NAALADL2: variants seen among roughly 807,000 people sequenced by gnomAD.
The protein encoded by NAALADL2 is N-acetylated alpha-linked acidic dipeptidase like 2, also known as inactive N-acetylated-alpha-linked acidic dipeptidase-like protein 2.
NAALADL2 carries 76 observed loss-of-function variants against 87.2 expected under a neutral mutation model. That is an observed-to-expected ratio of 0.87 (90% CI 0.72 to 1.05). The LOEUF is 1.05. Ranked by LOEUF, NAALADL2 falls within the 50% of genes least tolerant of loss-of-function variation. The probability of loss-of-function intolerance (pLI) is 0.00; values close to 1 mark genes in which losing one functional copy is unlikely to be tolerated. For synonymous variants in NAALADL2, 354 were observed against 331.0 expected (o/e 1.07, Z -0.75); for missense variants, 1,089 against 945.8 (o/e 1.15, Z -1.99).
chr3:175,056,286 C>T (rs1045377333), intron 1 of NAALADL2, among the ~76,000 whole-genome samples: 3 of 152,158 alleles, frequency 2.0e-5, no homozygotes, highest in African/African-American at 7.2e-5. Context: ...GTTATACTCT[C>T]CTTCCTTCTT....
At chr3:175,706,163 T>G (rs1169779958) in intron 11 of NAALADL2, among the ~76,000 whole-genome samples, 1 of 152,114 alleles carries the variant, frequency 6.6e-6, no homozygotes, top group African/African-American at 2.4e-5. Flanking sequence ...TAGAGTTTCT[T>G]GTTCTCAAGG....
intron 2 of NAALADL2, among the ~76,000 whole-genome samples, chr3:175,168,673 T>C (rs11922847): frequency 0.39 from 59,715 of 151,532 alleles, 12,356 homozygotes; most frequent in East Asian, 0.56. Context: ...TGATATCTTT[T>C]TTGTTTTTAT....
rs928749371 is a variant in NAALADL2, at chr3:175,324,411, G to A, written c.1090+86G>A. On this transcript the variant is annotated intron_variant, in intron 5 of 13. Coordinates refer to ENST00000454872, the MANE Select transcript of NAALADL2 (RefSeq NM_207015.3). ...AAATAAATGCTATCTATCAGGAATAGTGATGTCAAATAATTCTTAGCATCC... is the reference window on the plus strand; with the variant it reads ...AAATAAATGCTATCTATCAGGAATAATGATGTCAAATAATTCTTAGCATCC... 8.8e-6 allele frequency: 9 copies of A among 1,026,800 alleles called. No individual in the cohort carries two copies. The East Asian group carries it at 2.2e-4, about 25-fold the overall frequency. 63.6% of individuals were successfully genotyped at this position (1,026,800 alleles called of 1,614,324 possible). A position where few individuals can be genotyped will look rare whatever the true frequency, so the allele number is the denominator to read the frequency against.
intron 2 of NAALADL2, among the ~76,000 whole-genome samples, chr3:174,625,829 G>A (rs1407681190): frequency 6.6e-6 from 1 of 151,818 alleles, no homozygotes; most frequent in Non-Finnish European, 1.5e-5. Context: ...TTGCAATTGG[G>A]GTTTATGGAA....
chr3:175,283,660 A>G (rs1436599258), intron 4 of NAALADL2, among the ~76,000 whole-genome samples: 1 of 152,098 alleles, frequency 6.6e-6, no homozygotes, highest in African/African-American at 2.4e-5. Flanking sequence ...ACAAAGCAGA[A>G]ATAACAGTAG....
intron 1 of NAALADL2, among the ~76,000 whole-genome samples, chr3:174,518,548 T>A (rs1307621085): frequency 6.6e-6 from 1 of 152,164 alleles, no homozygotes; most frequent in Non-Finnish European, 1.5e-5. Flanking sequence ...ACAACCCTGC[T>A]TCACATCTTT....
chr3:175,580,678 T>C (rs76666401), intron 10 of NAALADL2, among the ~76,000 whole-genome samples: 34 of 152,300 alleles, frequency 2.2e-4, no homozygotes, highest in Non-Finnish European at 3.7e-4. Context: ...TACTTCAAAG[T>C]GTGCCAGTTG....
chr3:174,531,799 CTGTCTGCAT>C (rs1553779076), intron 1 of NAALADL2, among the ~76,000 whole-genome samples: 1 of 152,130 alleles, frequency 6.6e-6, no homozygotes, highest in Non-Finnish European at 1.5e-5. Context: ...TACGGATTAC[CTGTCTGCAT>C]TGTAATGCAA....
intron 2 of NAALADL2, among the ~76,000 whole-genome samples, chr3:174,660,584 C>T (rs538992995): frequency 9.9e-5 from 15 of 152,064 alleles, no homozygotes; most frequent in Admixed American, 5.2e-4. Context: ...TCTGAGGATA[C>T]GAAAGGATGA....
At chr3:174,989,549 G>T (rs1340103032) in intron 1 of NAALADL2, among the ~76,000 whole-genome samples, 1 of 152,060 alleles carries the variant, frequency 6.6e-6, no homozygotes, top group African/African-American at 2.4e-5. Context: ...TTATGTTGTT[G>T]GTAGGTAGGG....
At chr3:175,464,040 TGGCCA>T (rs1723597918) in intron 7 of NAALADL2, among the ~76,000 whole-genome samples, 1 of 152,164 alleles carries the variant, frequency 6.6e-6, no homozygotes, top group African/African-American at 2.4e-5. Flanking sequence ...TTCACCATGT[TGGCCA>T]GGCTGGTCTT....
chr3:174,618,364 A>G (rs536228164), intron 2 of NAALADL2, among the ~76,000 whole-genome samples: 6 of 151,836 alleles, frequency 4.0e-5, no homozygotes, highest in African/African-American at 1.4e-4. Flanking sequence ...AAAGAATCAA[A>G]GTATTAAATT....
intron 2 of NAALADL2, among the ~76,000 whole-genome samples, chr3:174,728,626 C>A (rs1732420892): frequency 6.6e-6 from 1 of 151,990 alleles, no homozygotes; most frequent in African/African-American, 2.4e-5. Flanking sequence ...CTCAATATAA[C>A]CCCATAAAAT....
At chr3:175,170,993 A>AT (rs2108908961) in intron 2 of NAALADL2, among the ~76,000 whole-genome samples, 1 of 151,864 alleles carries the variant, frequency 6.6e-6, no homozygotes, top group Non-Finnish European at 1.5e-5. Flanking sequence ...TCTCATTCAC[A>AT]TTTTTTCCCA....
chr3:174,566,775 A>G (rs531186394), intron 2 of NAALADL2, among the ~76,000 whole-genome samples: 1 of 141,104 alleles, frequency 7.1e-6, no homozygotes, highest in Non-Finnish European at 1.6e-5. Context: ...TTCATTTTCA[A>G]TTTTTTTTTT....
chr3:175,562,986 G>C (rs1716518430), intron 9 of NAALADL2, among the ~76,000 whole-genome samples: 1 of 151,450 alleles, frequency 6.6e-6, no homozygotes, highest in Admixed American at 6.6e-5. Flanking sequence ...GTGTGTGTTG[G>C]TTATGTAGTA....
chr3:175,335,023 G>A (rs1309570653), intron 5 of NAALADL2, among the ~76,000 whole-genome samples: 1 of 152,016 alleles, frequency 6.6e-6, no homozygotes, highest in Admixed American at 6.6e-5. Flanking sequence ...CTTAACAGTG[G>A]GAAGCTATCT....
At chr3:175,691,984 C>T (rs761348339) in intron 11 of NAALADL2, among the ~76,000 whole-genome samples, 2 of 152,078 alleles carry the variant, frequency 1.3e-5, no homozygotes. Flanking sequence ...GAATATGATG[C>T]TGCTAAAGTC....
At chr3:175,093,908 C>T (rs1286055874) in intron 1 of NAALADL2, among the ~76,000 whole-genome samples, 9 of 151,884 alleles carry the variant, frequency 5.9e-5, no homozygotes, top group Middle Eastern at 3.4e-3. Context: ...GTTTGAAGAC[C>T]GTTAAATTGC....
Sources: allele counts gnomAD v4.1 joint callset (sites outside exome capture counted in the v4.1 genomes callset), GRCh38; gene constraint gnomAD v4.1.1; transcripts MANE v1.5; gene names NCBI Gene and HGNC (gene_info 2026-07-23, HGNC 2026-07-21).